The following VSIG8 variants were observed in gnomAD, a reference collection of about 807,000 sequenced individuals.
VSIG8 encodes the protein V-set and immunoglobulin domain-containing protein 8.
VSIG8 carries 32 observed loss-of-function variants against 42.6 expected under a neutral mutation model. The observed-to-expected ratio is 0.75, with a 90% confidence interval of 0.57 to 1.01. The LOEUF is 1.01. Among genes scored for constraint, VSIG8 ranks in the 50% least tolerant of loss-of-function variants. The pLI is 0.00. For missense variants in VSIG8, 529 were observed against 558.0 expected, an observed-to-expected ratio of 0.95 and a Z score of 0.52; for synonymous variants, 290 against 243.8, an observed-to-expected ratio of 1.19 and a Z score of -1.77.
In VSIG8 at chr1:159,854,765, G is replaced by C. The variant is rs1648742394; in HGVS notation, c.1233C>G (p.Gly411=). 6.7e-7 allele frequency: 1 copy of C among 1,493,536 alleles called. No individual in the cohort carries two copies. Among genetic ancestry groups the C allele is most frequent in the Admixed American group, 2.2e-5 (1 of 45,144 alleles). The allele number at this position is 1,493,536 out of a possible 1,614,324, so 92.5% of individuals were successfully genotyped here. Residue 411 remains glycine, a synonymous_variant, in exon 7 of 7, where the codon GGC becomes GGG. Transcript: ENST00000368100. ...CAEGPVQCKN[G]LLV ...CCGGCGCGCGCGCTCACACCAAGAG[G>C]CCGTTCTTGCACTGCACCGGCCCCT...
chr1:159,855,883 C>T lies in VSIG8; in HGVS notation c.971G>A (p.Arg324Lys), dbSNP rs751268679. Residue 324 changes from arginine to lysine, a missense_variant and splice_region_variant, in exon 6 of 7, where the codon AGA becomes AAA. By Grantham distance (26) the Arg-to-Lys change is conservative. Coordinates refer to ENST00000368100, the MANE Select transcript of VSIG8 (RefSeq NM_001013661.1). ...GACGDLASEI[R>K]EDAVAPGCKA... Reference sequence around the variant, plus strand: ...GCATGCAGCATGCATCAGGTTTTACCTGATCTCACTAGCCAAGTCGCCGCA... The same window carrying T: ...GCATGCAGCATGCATCAGGTTTTACTTGATCTCACTAGCCAAGTCGCCGCA... 1 of 1,557,350 alleles carries T rather than the reference C, an allele frequency of 6.4e-7. No individual in the cohort carries two copies. The highest frequency in any genetic ancestry group is 8.6e-7 in the Non-Finnish European group (1 of 1,157,794).
At chr1:159,861,518 C>T (rs938038773) in intron 1 of VSIG8, 1 of 152,204 alleles carries the variant, frequency 6.6e-6, no homozygotes, top group African/African-American at 2.4e-5. Context: ...TCTGCCAGCC[C>T]TGCTCTCATC....
Position 159,854,907 on chromosome 1 carries a change from G to C in VSIG8, c.1091C>G (p.Pro364Arg), listed in dbSNP as rs563047828. The C allele has an allele frequency of 1.9e-4, 288 of 1,488,376 alleles. No individual in the cohort carries two copies. Among genetic ancestry groups the C allele is most frequent in the South Asian group, 3.9e-4 (30 of 77,594 alleles). 92.2% of individuals were successfully genotyped at this position (1,488,376 alleles called of 1,614,324 possible). ...RSLRRKYAPP[P>R]CGGPEDVALA... is the part of the protein sequence containing the mutation. ...GGCCACGTCCTCGGGGCCGCCGCAG[G>C]GGGGAGGCGCGTACTTGCGGCGCAG... is the stretch of plus-strand genomic sequence containing the variant. The change falls in exon 7 of 7, where the codon CCC becomes CGC. Residue 364 changes from proline (P) to arginine (R), a missense_variant. By Grantham distance (103) the Pro-to-Arg change is moderately radical. Transcript: ENST00000368100.
intron 4 of VSIG8, 70 bp from the exon 5 acceptor site, chr1:159,856,713 G>C (rs142557927): frequency 6.3e-7 from 1 of 1,582,278 alleles, no homozygotes; most frequent in Non-Finnish European, 8.6e-7. Flanking sequence ...TGTGGGGTGG[G>C]GGATGGGACA....
Position 159,857,844 on chromosome 1 carries a change from C to T in VSIG8, c.553G>A (p.Gly185Arg), listed in dbSNP as rs764305063. 2 of 1,614,100 alleles carry T rather than the reference C, an allele frequency of 1.2e-6. No homozygotes were observed. Among genetic ancestry groups the T allele is most frequent in the Non-Finnish European group, 1.7e-6 (2 of 1,180,044 alleles). ...PLSYKWAKISGHHYPYRAGSY... is the reference protein window; with the variant it reads ...PLSYKWAKISRHHYPYRAGSY... Reference sequence around the variant, plus strand: ...CCAGCTCGATAGGGGTAATGGTGCCCACTGATCTTGGCCCACTTGTAGGAG... The same window carrying T: ...CCAGCTCGATAGGGGTAATGGTGCCTACTGATCTTGGCCCACTTGTAGGAG... The change falls in exon 4 of 7, where the codon GGG (glycine) becomes AGG (arginine). Residue 185 changes from glycine (G) to arginine (R), a missense_variant. Transcript: ENST00000368100.
chr1:159,862,250 T>C, intron 1 of VSIG8: 1 of 469,692 alleles, frequency 2.1e-6, no homozygotes, highest in Non-Finnish European at 3.8e-6. Flanking sequence ...AAAGATCCAC[T>C]CAAAGACCTC....
rs750955705 is a variant in VSIG8 at position 159,858,872 on chromosome 1, C to G, written c.90G>C (p.Glu30Asp). ...SAVRINGDGQ[E>D]VLYLAEGDNV... ...TATCACCTTCTGCCAGGTACAGGAC[C>G]TCCTGTCCATCCCCGTTGATCCGCA... Residue 30 changes from glutamate to aspartate, a missense_variant, in exon 2 of 7, where the codon GAG (glutamate) becomes GAC (aspartate). By Grantham distance (45) the Glu-to-Asp change is conservative (BLOSUM62 2). Transcript: ENST00000368100. 6.2e-7 allele frequency: 1 copy of G among 1,613,998 alleles called. No individual in the cohort carries two copies. Among genetic ancestry groups the G allele is most frequent in the Non-Finnish European group, 8.5e-7 (1 of 1,179,996 alleles).
In VSIG8 at chr1:159,854,429, G is replaced by T; in HGVS notation, c.*324C>A. 6.5e-6 allele frequency: 2 copies of T among 307,092 alleles called. No homozygotes were observed. The highest frequency in any genetic ancestry group is 1.2e-5 in the Non-Finnish European group (2 of 173,350). 19.0% of individuals were successfully genotyped at this position (307,092 alleles called of 1,614,324 possible). On this transcript the variant is annotated 3_prime_UTR_variant, in exon 7 of 7. Coordinates refer to ENST00000368100, the MANE Select transcript of VSIG8 (RefSeq NM_001013661.1). ...ACCCACCCGGCCCCCGGGGCCCTCT[G>T]CTTAGGCTGGGGACACCAGGCCTCC...
At chr1:159,858,618 C>A in intron 2 of VSIG8, 116 bp downstream of exon 2, 1 of 1,218,072 alleles carries the variant, frequency 8.2e-7, no homozygotes, top group Non-Finnish European at 1.1e-6. Flanking sequence ...TTGCCTCATT[C>A]CCTGAAAGGC....
At chr1:159,856,469 G>A in intron 5 of VSIG8, 55 bp downstream of exon 5, 1 of 1,603,508 alleles carries the variant, frequency 6.2e-7, no homozygotes, top group Non-Finnish European at 8.5e-7. Context: ...CCAGAGCCCA[G>A]CCTCCTCCAG....
At chr1:159,856,420 G>A (rs1409226335) in intron 5 of VSIG8, 104 bp downstream of exon 5, 1 of 1,566,290 alleles carries the variant, frequency 6.4e-7, no homozygotes, top group Non-Finnish European at 8.7e-7. Context: ...ACTGGCAAAT[G>A]GATGGCAGTG....
At chr1:159,857,575 C>CAA (rs10683798) in intron 4 of VSIG8, among the ~76,000 whole-genome samples, 170 bp downstream of exon 4, 2,112 of 121,172 alleles carry the variant, frequency 0.017, 31 homozygotes, top group Middle Eastern at 0.05. Context: ...AACTCTGTCT[C>CAA]AAAAAAAAAA....
Position 159,854,742 on chromosome 1 carries a change from GGC to G in VSIG8, c.*9_*10del, listed in dbSNP as rs1557901816. The G allele has an allele frequency of 6.8e-7, 1 of 1,461,710 alleles. No homozygotes were observed. Among genetic ancestry groups the G allele is most frequent in the Admixed American group, 2.6e-5 (1 of 38,452 alleles). 90.5% of individuals were successfully genotyped at this position (1,461,710 alleles called of 1,614,324 possible). A position where few individuals can be genotyped will look rare whatever the true frequency, so the allele number is the denominator to read the frequency against. On this transcript the variant is annotated 3_prime_UTR_variant, in exon 7 of 7. Transcript: ENST00000368100. ...TCCTGGCTGGGGCGCAGCCCGGCCCGGCGCGCGCGCTCACACCAAGAGGCCGT... is the reference window on the plus strand; with the variant it reads ...TCCTGGCTGGGGCGCAGCCCGGCCCGGCGCGCGCTCACACCAAGAGGCCGT...
At chr1:159,857,231 A>G (rs981510303) in intron 4 of VSIG8, among the ~76,000 whole-genome samples, 5 of 152,286 alleles carry the variant, frequency 3.3e-5, no homozygotes, top group Admixed American at 1.3e-4. Context: ...CAAATTCGCC[A>G]TAGTACTTTT....
At chr1:159,855,736 G>T (rs559110236) in intron 6 of VSIG8, 147 bp downstream of exon 6, 1 of 1,382,008 alleles carries the variant, frequency 7.2e-7, no homozygotes, top group African/African-American at 1.5e-5. Context: ...TGGGTGGCAG[G>T]TCGACATGCC....
chr1:159,862,572 G>T lies in VSIG8; in HGVS notation c.-51C>A. On this transcript the variant is annotated 5_prime_UTR_variant, in exon 1 of 7. Transcript: ENST00000368100. ...TCTGGGCTGGGTATCCCGTGGGGTC[G>T]TAGTGGTGGGTGTGAGGGGGTAGGT... 1.3e-6 allele frequency: 2 copies of T among 1,545,442 alleles called. No homozygotes were observed. Among genetic ancestry groups the T allele is most frequent in the East Asian group, 2.3e-5 (1 of 43,754 alleles).
chr1:159,855,978 C>G lies in VSIG8; in HGVS notation c.876G>C (p.Gly292=). 1 of 1,599,798 alleles carries G rather than the reference C, an allele frequency of 6.3e-7. No homozygotes were observed. Among genetic ancestry groups the G allele is most frequent in the Non-Finnish European group, 8.5e-7 (1 of 1,173,670 alleles). Residue 292 remains glycine, a synonymous_variant, in exon 6 of 7, where the codon GGG becomes GGC. Coordinates refer to ENST00000368100, the MANE Select transcript of VSIG8 (RefSeq NM_001013661.1). ...GIWGLVCCCC[G]GSGAGGARGA... is the part of the protein sequence containing the mutation. Reference sequence around the variant, plus strand: ...CGCGGGCGCCGCCAGCCCCGGAGCCCCCGCAGCAGCAGCAGACGAGCCCCC... The same window carrying G: ...CGCGGGCGCCGCCAGCCCCGGAGCCGCCGCAGCAGCAGCAGACGAGCCCCC...
chr1:159,859,805 C>G (rs906365994), intron 1 of VSIG8, among the ~76,000 whole-genome samples: 2 of 152,128 alleles, frequency 1.3e-5, no homozygotes, highest in Non-Finnish European at 2.9e-5. Flanking sequence ...CCCCCACAAG[C>G]TGGCTTCCAG....
chr1:159,857,462 C>G (rs1462818957), intron 4 of VSIG8, among the ~76,000 whole-genome samples: 1 of 151,972 alleles, frequency 6.6e-6, no homozygotes, highest in Non-Finnish European at 1.5e-5. Flanking sequence ...GTAATCCCAG[C>G]TACTCGGGAG....
Sources: gnomAD v4.1 joint callset for allele counts (sites outside exome capture counted in the v4.1 genomes callset) on GRCh38, gnomAD v4.1.1 for gene constraint, MANE v1.5 for transcripts, NCBI Gene and HGNC (gene_info 2026-07-23, HGNC 2026-07-21) for gene names.